The following SMARCA4 variants were observed in gnomAD, a reference collection of about 807,000 sequenced individuals.
SMARCA4 encodes the protein SWI/SNF related BAF chromatin remodeling complex subunit ATPase 4.
A neutral mutation model predicts 193.9 loss-of-function variants in SMARCA4; 31 were observed. The observed-to-expected ratio is 0.16, with a 90% confidence interval of 0.12 to 0.22. The LOEUF (loss-of-function observed/expected upper bound fraction) is 0.22, where lower values mean the gene tolerates loss of function less well. SMARCA4 is among the 10% of genes least tolerant of loss of function. The probability of loss-of-function intolerance (pLI) is 1.00; values close to 1 mark genes in which losing one functional copy is unlikely to be tolerated. For missense variants in SMARCA4, 1,148 were observed against 2,296.0 expected, an observed-to-expected ratio of 0.50 and a Z score of 10.22; for synonymous variants, 942 against 933.1, an observed-to-expected ratio of 1.01 and a Z score of -0.17.
chr19:10,998,788 G>A (rs2087329640), intron 11 of SMARCA4, among the ~76,000 whole-genome samples: 1 of 151,832 alleles, frequency 6.6e-6, no homozygotes, highest in South Asian at 2.1e-4. Context: ...TTTGCTTTTG[G>A]TACATGCCCA....
chr19:10,978,547 T>A (rs1336142539), intron 1 of SMARCA4, among the ~76,000 whole-genome samples: 1 of 151,648 alleles, frequency 6.6e-6, no homozygotes, highest in Non-Finnish European at 1.5e-5. Context: ...TTGGTCAGGC[T>A]GGTCTCGAAC....
At chr19:11,039,049 T>A (rs538431019) in intron 29 of SMARCA4, among the ~76,000 whole-genome samples, 3 of 151,272 alleles carry the variant, frequency 2.0e-5, no homozygotes, top group African/African-American at 7.3e-5. Flanking sequence ...AGCAAGACCT[T>A]TGTCTCTATT....
chr19:11,059,989 T>TG (rs2076766782), intron 33 of SMARCA4, 56 bp from the exon 34 acceptor site: 1 of 1,609,132 alleles, frequency 6.2e-7, no homozygotes, highest in African/African-American at 1.3e-5. Flanking sequence ...CCCCTTGCTG[T>TG]GGGGGTGCTG....
chr19:11,025,593 A>G, intron 22 of SMARCA4, 85 bp downstream of exon 22: 1 of 935,202 alleles, frequency 1.1e-6, no homozygotes, highest in South Asian at 1.3e-5. Context: ...ACAGCTCTTT[A>G]AAAACAGACT....
intron 18 of SMARCA4, among the ~76,000 whole-genome samples, chr19:11,020,362 C>T (rs998388573): frequency 1.3e-5 from 2 of 152,084 alleles, no homozygotes; most frequent in Non-Finnish European, 2.9e-5. Context: ...TGGTCTCACC[C>T]CTAAACATCC....
At chr19:10,970,807 G>A (rs1433244374) in intron 1 of SMARCA4, among the ~76,000 whole-genome samples, 1 of 152,192 alleles carries the variant, frequency 6.6e-6, no homozygotes, top group Admixed American at 6.6e-5. Context: ...AAAGACCCAC[G>A]CATCTGGTCA....
intron 1 of SMARCA4, chr19:10,983,806 G>T: frequency 2.2e-6 from 1 of 446,562 alleles, no homozygotes; most frequent in Non-Finnish European, 4.2e-6. Flanking sequence ...CAGTGTGAAG[G>T]GTAGACCAGC....
intron 1 of SMARCA4, chr19:10,977,532 C>G (rs2085239211): frequency 1.3e-5 from 2 of 152,096 alleles, no homozygotes; most frequent in Admixed American, 1.3e-4. Flanking sequence ...CCAAGTCGGC[C>G]AGGCTGGTGT....
At chr19:10,991,427 C>T in intron 8 of SMARCA4, 104 bp downstream of exon 8, 1 of 1,516,328 alleles carries the variant, frequency 6.6e-7, no homozygotes, top group East Asian at 2.5e-5. Context: ...AAACATGCTG[C>T]TTGTCTCTCT....
At chr19:10,988,009 C>G (rs2145826846) in intron 6 of SMARCA4, 85 bp downstream of exon 6, 4 of 1,425,756 alleles carry the variant, frequency 2.8e-6, no homozygotes, top group Non-Finnish European at 3.9e-6. Flanking sequence ...CTCCCCCACT[C>G]TAGCAAACAG....
At chr19:10,996,432 C>T (rs1294772020) in intron 10 of SMARCA4, 52 bp downstream of exon 10, 2 of 1,613,624 alleles carry the variant, frequency 1.2e-6, no homozygotes, top group Non-Finnish European at 1.7e-6. Flanking sequence ...GAGCAGCCGT[C>T]TTCACGTGTG....
At chr19:10,990,418 A>G (rs934214263) in intron 7 of SMARCA4, among the ~76,000 whole-genome samples, 1 of 152,088 alleles carries the variant, frequency 6.6e-6, no homozygotes, top group Non-Finnish European at 1.5e-5. Context: ...AGCTGGGATT[A>G]CAGGCATGTG....
chr19:11,049,536 G>A (rs1390721307), intron 30 of SMARCA4, among the ~76,000 whole-genome samples: 1 of 150,794 alleles, frequency 6.6e-6, no homozygotes, highest in African/African-American at 2.4e-5. Flanking sequence ...CCAGGCTGGA[G>A]TGCAGTGGCA....
rs1599927110 is a variant in SMARCA4 at position 10,984,062 on chromosome 19, A to G, written c.-31-59A>G. The G allele has an allele frequency of 1.5e-6, 2 of 1,356,342 alleles. No homozygotes were observed. The highest frequency in any genetic ancestry group is 2.3e-5 in the East Asian group (1 of 43,416). The allele number at this position is 1,356,342 out of a possible 1,614,324, so 84.0% of individuals were successfully genotyped here. A position where few individuals can be genotyped will look rare whatever the true frequency, so the allele number is the denominator to read the frequency against. ...TGTGACCGTATGATTGTCCCTTGCT[A>G]TCCCTGTCCTGCCTCGCCCTTGGTC... On this transcript the variant is annotated intron_variant, in intron 1 of 34. Transcript: ENST00000344626. This position sits in a 1 kb window ranked among gnomAD's most constrained non-coding sequence, Gnocchi z 4.3.
At position 11,033,062 on chromosome 19, in the gene SMARCA4, G is replaced by A. The variant is rs942531353; in HGVS notation, c.3547-228G>A. ...ATATCTGTGGGGTCCCAATAAGGTA[G>A]AAGGTGGCACTTCTGGAGGAACGTG... On this transcript the variant is annotated intron_variant, in intron 25 of 34. Transcript: ENST00000344626. The surrounding 1 kb of genome is among the most constrained non-coding windows in gnomAD (Gnocchi z 9.8). 9 of 624,638 alleles carry A rather than the reference G, an allele frequency of 1.4e-5. No homozygotes were observed. The African/African-American group carries it at 1.4e-4, about 10-fold the overall frequency. 38.7% of individuals were successfully genotyped at this position (624,638 alleles called of 1,614,324 possible).
intron 30 of SMARCA4, among the ~76,000 whole-genome samples, chr19:11,051,711 G>A (rs954576587): frequency 3.3e-5 from 5 of 151,940 alleles, no homozygotes; most frequent in African/African-American, 1.2e-4. Flanking sequence ...GGATGGTCTC[G>A]ATCTCTTGAC....
At chr19:10,971,285 G>GCA (rs2084650786) in intron 1 of SMARCA4, among the ~76,000 whole-genome samples, 1 of 152,130 alleles carries the variant, frequency 6.6e-6, no homozygotes, top group South Asian at 2.1e-4. Context: ...AATATGCCAA[G>GCA]CACAGTCCAG....
At chr19:10,961,328 C>CCG (rs2083780601) in intron 1 of SMARCA4, 154 bp downstream of exon 1, 1 of 148,516 alleles carries the variant, frequency 6.7e-6, no homozygotes, top group Non-Finnish European at 1.5e-5. Context: ...CAGCCGGCAG[C>CCG]CGCGCGCGTG....
At chr19:10,992,984 C>CTTTTTTTTT (rs758452838) in intron 8 of SMARCA4, among the ~76,000 whole-genome samples, 2 of 109,328 alleles carry the variant, frequency 1.8e-5, no homozygotes, top group African/African-American at 7.0e-5. Context: ...TAAAACTTTG[C>CTTTTTTTTT]TTTTTTTTTT....
Sources: allele counts gnomAD v4.1 joint callset (sites outside exome capture counted in the v4.1 genomes callset), GRCh38; gene constraint gnomAD v4.1.1; non-coding constraint Gnocchi (gnomAD v3.1); transcripts MANE v1.5; gene names NCBI Gene and HGNC (gene_info 2026-07-23, HGNC 2026-07-21).